The following SOX12 variants were observed in gnomAD, a reference collection of about 807,000 sequenced individuals.
SOX12 encodes transcription factor SOX-12.
SOX12 carries 8 observed loss-of-function variants against 21.5 expected under a neutral mutation model. The ratio of observed to expected loss-of-function variants is 0.37; its 90% CI spans 0.22 to 0.67. The LOEUF (loss-of-function observed/expected upper bound fraction) is 0.67, where lower values mean the gene tolerates loss of function less well. SOX12 is among the 30% of genes least tolerant of loss of function. SOX12 has a pLI of 0.56. For synonymous variants in SOX12, 235 were observed against 224.2 expected, an observed-to-expected ratio of 1.05 and a Z score of -0.43; for missense variants, 400 against 482.6, an observed-to-expected ratio of 0.83 and a Z score of 1.60.
At position 327,158 on chromosome 20, in the gene SOX12, C is replaced by G; in HGVS notation, c.*286C>G. 1 of 490,312 alleles carries G rather than the reference C, an allele frequency of 2.0e-6. No individual in the cohort carries two copies. The highest frequency in any genetic ancestry group is 3.9e-6 in the Non-Finnish European group (1 of 259,666). 30.4% of individuals were successfully genotyped at this position (490,312 alleles called of 1,614,324 possible). On this transcript the variant is annotated 3_prime_UTR_variant, in exon 1 of 1. Coordinates refer to ENST00000342665, the MANE Select transcript of SOX12 (RefSeq NM_006943.4). ...CCCTCCGATACACCTCCCGTCCTCTCCTACAGACCTGCACCCCTCCCCCCT... is the reference window on the plus strand; with the variant it reads ...CCCTCCGATACACCTCCCGTCCTCTGCTACAGACCTGCACCCCTCCCCCCT...
chr20:327,678 C>T lies in SOX12; in HGVS notation c.*806C>T, dbSNP rs1287887099. 2 of 167,146 alleles carry T rather than the reference C, an allele frequency of 1.2e-5. No homozygotes were observed. Among genetic ancestry groups the T allele is most frequent in the Non-Finnish European group, 2.9e-5 (2 of 68,142 alleles). 10.4% of individuals were successfully genotyped at this position (167,146 alleles called of 1,614,324 possible). On this transcript the variant is annotated 3_prime_UTR_variant, in exon 1 of 1. Transcript: ENST00000342665. ...CCCACGCGCACCACCTCTCCGGTCG[C>T]GTGGCTGCCTCTACAGCCTACCTAT...
At position 326,533 on chromosome 20, in the gene SOX12, C is replaced by A; in HGVS notation, c.609C>A (p.Ala203=). The part of the protein sequence containing the change: ...GRAARGQAER[A]QGPSGEGAAA... ...CCGCTCGGGGACAAGCGGAGCGCGCCCAAGGGCCGTCGGGCGAGGGGGCGG... is the reference window on the plus strand; with the variant it reads ...CCGCTCGGGGACAAGCGGAGCGCGCACAAGGGCCGTCGGGCGAGGGGGCGG... The change falls in exon 1 of 1, where the codon GCC becomes GCA. Residue 203 remains alanine, a synonymous_variant. Coordinates refer to ENST00000342665, the MANE Select transcript of SOX12 (RefSeq NM_006943.4). This position sits in a 1 kb window ranked among gnomAD's most constrained non-coding sequence, Gnocchi z 9.9. 1 of 1,494,638 alleles carries A rather than the reference C, an allele frequency of 6.7e-7. No individual in the cohort carries two copies. The highest frequency in any genetic ancestry group is 8.8e-7 in the Non-Finnish European group (1 of 1,130,908). 92.6% of individuals were successfully genotyped at this position (1,494,638 alleles called of 1,614,324 possible).
At position 325,873 on chromosome 20, in the gene SOX12, G is replaced by A; in HGVS notation, c.-52G>A. 6.7e-6 allele frequency: 7 copies of A among 1,039,372 alleles called. No individual in the cohort carries two copies. The highest frequency in any genetic ancestry group is 8.1e-6 in the Non-Finnish European group (7 of 863,980). The allele number at this position is 1,039,372 out of a possible 1,614,324, so 64.4% of individuals were successfully genotyped here. ...TGCCTCCTCCCCCACCCCCAGCCGCGGAGGATGCGGACGGCCCCCGGCGGC... is the reference window on the plus strand; with the variant it reads ...TGCCTCCTCCCCCACCCCCAGCCGCAGAGGATGCGGACGGCCCCCGGCGGC... On this transcript the variant is annotated 5_prime_UTR_variant, in exon 1 of 1. Coordinates refer to ENST00000342665, the MANE Select transcript of SOX12 (RefSeq NM_006943.4). The surrounding 1 kb of genome is among the most constrained non-coding windows in gnomAD (Gnocchi z 5.0).
In SOX12 at chr20:329,459, TC is replaced by T. The variant is rs2013158701; in HGVS notation, c.*2589del. 1 of 166,920 alleles carries T rather than the reference TC, an allele frequency of 6.0e-6. No homozygotes were observed. Among genetic ancestry groups the T allele is most frequent in the Admixed American group, 6.5e-5 (1 of 15,270 alleles). 10.3% of individuals were successfully genotyped at this position (166,920 alleles called of 1,614,324 possible). A position where few individuals can be genotyped will look rare whatever the true frequency, so the allele number is the denominator to read the frequency against. ...GTCAGAGACAGGGCTTGGTTCTGCT[TC>T]CTGGTGAAGCATGGCTTCGGGGTGC... On this transcript the variant is annotated 3_prime_UTR_variant, in exon 1 of 1. Transcript: ENST00000342665.
rs369677394 is a variant in SOX12 at position 326,676 on chromosome 20, C to G, written c.752C>G (p.Ser251Trp). 1 of 1,562,552 alleles carries G rather than the reference C, an allele frequency of 6.4e-7. No homozygotes were observed. The highest frequency in any genetic ancestry group is 1.4e-5 in the African/African-American group (1 of 73,424). Residue 251 changes from serine to tryptophan, a missense_variant, in exon 1 of 1, where the codon TCG becomes TGG. This residue lies in a region of SOX12 where 235 missense variants were observed against 219.3 expected (regional missense o/e 1.07). Coordinates refer to ENST00000342665, the MANE Select transcript of SOX12 (RefSeq NM_006943.4). The surrounding 1 kb of genome is among the most constrained non-coding windows in gnomAD (Gnocchi z 9.9). ...EEETVASGEESLGFLSRLPPG... is the reference protein window; with the variant it reads ...EEETVASGEEWLGFLSRLPPG... ...GAGACGGTGGCGTCGGGGGAGGAGT[C>G]GCTGGGCTTTCTGTCCAGGCTGCCC...
Position 327,139 on chromosome 20 carries a change from G to A in SOX12, c.*267G>A, listed in dbSNP as rs1471103937. ...CAGCCACCAGCAGCCAGCCCCCTCCGATACACCTCCCGTCCTCTCCTACAG... is the reference window on the plus strand; with the variant it reads ...CAGCCACCAGCAGCCAGCCCCCTCCAATACACCTCCCGTCCTCTCCTACAG... On this transcript the variant is annotated 3_prime_UTR_variant, in exon 1 of 1. Transcript: ENST00000342665. 40 of 495,964 alleles carry A rather than the reference G, an allele frequency of 8.1e-5. No individual in the cohort carries two copies. Among genetic ancestry groups the A allele is most frequent in the Non-Finnish European group, 1.4e-4 (37 of 272,674 alleles). The allele number at this position is 495,964 out of a possible 1,614,324, so 30.7% of individuals were successfully genotyped here. A position where few individuals can be genotyped will look rare whatever the true frequency, so the allele number is the denominator to read the frequency against.
chr20:328,575 A>G lies in SOX12; in HGVS notation c.*1703A>G, dbSNP rs1302175204. The G allele has an allele frequency of 6.2e-6, 1 of 161,964 alleles. No homozygotes were observed. Among genetic ancestry groups the G allele is most frequent in the Non-Finnish European group, 1.5e-5 (1 of 67,890 alleles). The allele number at this position is 161,964 out of a possible 1,614,324, so 10.0% of individuals were successfully genotyped here. On this transcript the variant is annotated 3_prime_UTR_variant, in exon 1 of 1. Coordinates refer to ENST00000342665, the MANE Select transcript of SOX12 (RefSeq NM_006943.4). The stretch of plus-strand genomic sequence containing the variant: ...AACAACAAAAAAAGACAATGAAAAA[A>G]AAAACGTCATGTGAGTGAAGAGATG...
chr20:328,620 A>G lies in SOX12; in HGVS notation c.*1748A>G. Reference sequence around the variant, plus strand: ...GAGATGTCACTGTCTGTGGTCTTGGAGAACTAGTCTCGTAGCTGAGGGGTG... The same window carrying G: ...GAGATGTCACTGTCTGTGGTCTTGGGGAACTAGTCTCGTAGCTGAGGGGTG... On this transcript the variant is annotated 3_prime_UTR_variant, in exon 1 of 1. Coordinates refer to ENST00000342665, the MANE Select transcript of SOX12 (RefSeq NM_006943.4). 1 of 163,400 alleles carries G rather than the reference A, an allele frequency of 6.1e-6. No individual in the cohort carries two copies. 10.1% of individuals were successfully genotyped at this position (163,400 alleles called of 1,614,324 possible).
chr20:327,232 T>A lies in SOX12; in HGVS notation c.*360T>A. On this transcript the variant is annotated 3_prime_UTR_variant, in exon 1 of 1. Coordinates refer to ENST00000342665, the MANE Select transcript of SOX12 (RefSeq NM_006943.4). ...CCGGAGGACCCGCCCCCTCCTTTGCTCCGGAATCTCTCCTCCCTCGCCCGG... is the reference window on the plus strand; with the variant it reads ...CCGGAGGACCCGCCCCCTCCTTTGCACCGGAATCTCTCCTCCCTCGCCCGG... 1 of 262,536 alleles carries A rather than the reference T, an allele frequency of 3.8e-6. No individual in the cohort carries two copies. Among genetic ancestry groups the A allele is most frequent in the South Asian group, 4.1e-5 (1 of 24,228 alleles). The allele number at this position is 262,536 out of a possible 1,614,324, so 16.3% of individuals were successfully genotyped here.
In SOX12 at chr20:326,447, G is replaced by A; in HGVS notation, c.523G>A (p.Glu175Lys). ...DDEDDDEELL[E>K]VRLVETPGRE... ...TGAAGACGACGACGAGGAGCTGCTGGAAGTGCGCCTGGTCGAGACCCCGGG... is the reference window on the plus strand; with the variant it reads ...TGAAGACGACGACGAGGAGCTGCTGAAAGTGCGCCTGGTCGAGACCCCGGG... The change falls in exon 1 of 1, where the codon GAA (glutamate) becomes AAA (lysine). Residue 175 changes from glutamate to lysine, a missense_variant. Physicochemically the swap from Glu to Lys is moderately conservative, Grantham distance 56. Transcript: ENST00000342665. The surrounding 1 kb of genome is among the most constrained non-coding windows in gnomAD (Gnocchi z 9.9). The A allele has an allele frequency of 7.3e-7, 1 of 1,374,778 alleles. No homozygotes were observed. Among genetic ancestry groups the A allele is most frequent in the Non-Finnish European group, 9.3e-7 (1 of 1,071,974 alleles). The allele number at this position is 1,374,778 out of a possible 1,614,324, so 85.2% of individuals were successfully genotyped here. A position where few individuals can be genotyped will look rare whatever the true frequency, so the allele number is the denominator to read the frequency against.
chr20:326,863 C>A lies in SOX12; in HGVS notation c.939C>A (p.Phe313Leu). The change falls in exon 1 of 1, where the codon TTC (phenylalanine) becomes TTA (leucine). Residue 313 changes from phenylalanine (F) to leucine (L), a missense_variant. By Grantham distance (22) the Phe-to-Leu change is conservative (BLOSUM62 0). Around this residue, in one of 4 missense-constraint regions of SOX12, gnomAD observed 17 missense variants for 49.7 expected, o/e 0.34. Transcript: ENST00000342665. This position sits in a 1 kb window ranked among gnomAD's most constrained non-coding sequence, Gnocchi z 9.9. The stretch of plus-strand genomic sequence containing the variant: ...CGTCTAGCATCGCAGACCTGGTTTT[C>A]ACCTACTGAGCCCACCGTCAGCGGG... ...WRPSSIADLV[F>L]TY 2 of 1,613,360 alleles carry A rather than the reference C, an allele frequency of 1.2e-6. No homozygotes were observed. Among genetic ancestry groups the A allele is most frequent in the Non-Finnish European group, 1.7e-6 (2 of 1,179,890 alleles).
chr20:327,150 C>T lies in SOX12; in HGVS notation c.*278C>T, dbSNP rs952897205. The T allele has an allele frequency of 3.9e-6, 2 of 513,678 alleles. No individual in the cohort carries two copies. Among genetic ancestry groups the T allele is most frequent in the Non-Finnish European group, 7.3e-6 (2 of 273,316 alleles). The allele number at this position is 513,678 out of a possible 1,614,324, so 31.8% of individuals were successfully genotyped here. On this transcript the variant is annotated 3_prime_UTR_variant, in exon 1 of 1. Coordinates refer to ENST00000342665, the MANE Select transcript of SOX12 (RefSeq NM_006943.4). Reference sequence around the variant, plus strand: ...AGCCAGCCCCCTCCGATACACCTCCCGTCCTCTCCTACAGACCTGCACCCC... The same window carrying T: ...AGCCAGCCCCCTCCGATACACCTCCTGTCCTCTCCTACAGACCTGCACCCC...
At position 326,885 on chromosome 20, in the gene SOX12, C is replaced by A. The variant is rs2013106569; in HGVS notation, c.*13C>A. On this transcript the variant is annotated 3_prime_UTR_variant, in exon 1 of 1. Coordinates refer to ENST00000342665, the MANE Select transcript of SOX12 (RefSeq NM_006943.4). The surrounding 1 kb of genome is among the most constrained non-coding windows in gnomAD (Gnocchi z 9.9). ...TTTCACCTACTGAGCCCACCGTCAG[C>A]GGGGCGCGCACGCCCCCAAACCAGC... is the stretch of plus-strand genomic sequence containing the variant. The A allele has an allele frequency of 6.2e-7, 1 of 1,612,744 alleles. No individual in the cohort carries two copies. Among genetic ancestry groups the A allele is most frequent in the Admixed American group, 1.7e-5 (1 of 60,020 alleles).
chr20:326,879 C>G lies in SOX12; in HGVS notation c.*7C>G. The G allele has an allele frequency of 6.2e-7, 1 of 1,613,032 alleles. No individual in the cohort carries two copies. Among genetic ancestry groups the G allele is most frequent in the South Asian group, 1.1e-5 (1 of 91,074 alleles). On this transcript the variant is annotated 3_prime_UTR_variant, in exon 1 of 1. Coordinates refer to ENST00000342665, the MANE Select transcript of SOX12 (RefSeq NM_006943.4). This position sits in a 1 kb window ranked among gnomAD's most constrained non-coding sequence, Gnocchi z 9.9. The stretch of plus-strand genomic sequence containing the variant: ...CCTGGTTTTCACCTACTGAGCCCAC[C>G]GTCAGCGGGGCGCGCACGCCCCCAA...
At position 328,420 on chromosome 20, in the gene SOX12, T is replaced by C. The variant is rs1025629880; in HGVS notation, c.*1548T>C. On this transcript the variant is annotated 3_prime_UTR_variant, in exon 1 of 1. Coordinates refer to ENST00000342665, the MANE Select transcript of SOX12 (RefSeq NM_006943.4). ...GTCCTCCGGACCCCTGCCCAGGGTC[T>C]CTGCAGGTCTCTGCCCCACGCGTTC... 1 of 166,938 alleles carries C rather than the reference T, an allele frequency of 6.0e-6. No homozygotes were observed. The highest frequency in any genetic ancestry group is 2.4e-5 in the African/African-American group (1 of 41,384). The allele number at this position is 166,938 out of a possible 1,614,324, so 10.3% of individuals were successfully genotyped here.
Position 326,004 on chromosome 20 carries a change from C to T in SOX12, c.80C>T (p.Ala27Val). The T allele has an allele frequency of 2.7e-6, 4 of 1,508,276 alleles. No homozygotes were observed. The highest frequency in any genetic ancestry group is 3.5e-6 in the Non-Finnish European group (4 of 1,127,760). The allele number at this position is 1,508,276 out of a possible 1,614,324, so 93.4% of individuals were successfully genotyped here. Residue 27 changes from alanine (A) to valine (V), a missense_variant, in exon 1 of 1, where the codon GCG (alanine) becomes GTG (valine). Ala to Val is a moderately conservative substitution (Grantham distance 64). Coordinates refer to ENST00000342665, the MANE Select transcript of SOX12 (RefSeq NM_006943.4). The surrounding 1 kb of genome is among the most constrained non-coding windows in gnomAD (Gnocchi z 9.9). ...PPGPGPAEEG[A>V]REPGWCKTPS... ...GGACCCGGGCCGGCCGAGGAGGGGGCGCGCGAGCCCGGCTGGTGCAAGACC... is the reference window on the plus strand; with the variant it reads ...GGACCCGGGCCGGCCGAGGAGGGGGTGCGCGAGCCCGGCTGGTGCAAGACC...
At position 326,509 on chromosome 20, in the gene SOX12, C is replaced by G; in HGVS notation, c.585C>G (p.Ala195=). 6.9e-7 allele frequency: 1 copy of G among 1,441,060 alleles called. No individual in the cohort carries two copies. The highest frequency in any genetic ancestry group is 9.0e-7 in the Non-Finnish European group (1 of 1,110,316). 89.3% of individuals were successfully genotyped at this position (1,441,060 alleles called of 1,614,324 possible). Residue 195 remains alanine, a synonymous_variant, in exon 1 of 1, where the codon GCC becomes GCG. Transcript: ENST00000342665. This position sits in a 1 kb window ranked among gnomAD's most constrained non-coding sequence, Gnocchi z 9.9. The part of the protein sequence containing the change: ...ELWRMVPAGR[A]ARGQAERAQG... ...GGAGGATGGTCCCGGCGGGACGGGC[C>G]GCTCGGGGACAAGCGGAGCGCGCCC... is the stretch of plus-strand genomic sequence containing the variant.
rs750001537 is a variant in SOX12 at position 326,083 on chromosome 20, C to T, written c.159C>T (p.His53=). Residue 53 remains histidine (H), a synonymous_variant, in exon 1 of 1, where the codon CAC becomes CAT. Transcript: ENST00000342665. This position sits in a 1 kb window ranked among gnomAD's most constrained non-coding sequence, Gnocchi z 9.9. The part of the protein sequence containing the change: ...PMNAFMVWSQ[H]ERRKIMDQWP... ...ACGCATTCATGGTGTGGTCGCAGCACGAACGGCGGAAGATCATGGACCAGT... is the reference window on the plus strand; with the variant it reads ...ACGCATTCATGGTGTGGTCGCAGCATGAACGGCGGAAGATCATGGACCAGT... 24 of 1,602,266 alleles carry T rather than the reference C, an allele frequency of 1.5e-5. No individual in the cohort carries two copies. Among genetic ancestry groups the T allele is most frequent in the Admixed American group, 1.4e-4 (8 of 58,410 alleles).
rs2013163031 is a variant in SOX12, at chr20:329,775, G to A, written c.*2903G>A. 1 of 167,114 alleles carries A rather than the reference G, an allele frequency of 6.0e-6. No homozygotes were observed. Among genetic ancestry groups the A allele is most frequent in the South Asian group, 2.1e-4 (1 of 4,834 alleles). The allele number at this position is 167,114 out of a possible 1,614,324, so 10.4% of individuals were successfully genotyped here. A position where few individuals can be genotyped will look rare whatever the true frequency, so the allele number is the denominator to read the frequency against. On this transcript the variant is annotated 3_prime_UTR_variant, in exon 1 of 1. Transcript: ENST00000342665. ...CTGGGACAAAGCCTCTGTTTTCCCA[G>A]TAGGAGCCAGGGCTGAGTGTGGAAA...
Sources: allele counts gnomAD v4.1 joint callset, GRCh38; gene constraint gnomAD v4.1.1; regional missense constraint gnomAD v4.1.1; non-coding constraint Gnocchi (gnomAD v3.1); transcripts MANE v1.5; gene names NCBI Gene and HGNC (gene_info 2026-07-23, HGNC 2026-07-21).